PCDHA9: variants seen among roughly 807,000 people sequenced by gnomAD.
PCDHA9 encodes the protein protocadherin alpha-9.
Under a neutral mutation model 62.0 loss-of-function variants are expected in PCDHA9, and 62 were observed. The observed-to-expected ratio is 1.00, with a 90% CI of 0.81 to 1.23. PCDHA9 has a LOEUF of 1.23. Among genes scored for constraint, PCDHA9 ranks in the 50% most tolerant of loss-of-function variants. PCDHA9 has a pLI of 0.00. For synonymous variants in PCDHA9, 557 were observed against 567.6 expected (o/e 0.98, Z 0.27); for missense variants, 1,205 against 1,249.8 (o/e 0.96, Z 0.54).
chr5:140,901,712 GAT>G lies in PCDHA9; in HGVS notation c.2394+50824_2394+50825del, dbSNP rs1187367855. Among the ~76,000 whole-genome samples, 6 of 152,218 alleles carry G rather than the reference GAT, an allele frequency of 3.9e-5. No homozygotes were observed. In the East Asian group the frequency reaches 9.6e-4, roughly 24 times the overall value. ...TTTTGTAGTTCTATATACATTTTCA[GAT>G]TGTCTTTTCTATTTCTGTGAAGAAT... On this transcript the variant is annotated intron_variant, in intron 1 of 3. Coordinates refer to ENST00000532602, the MANE Select transcript of PCDHA9 (RefSeq NM_031857.2).
At chr5:140,894,236 T>C (rs1205163436) in intron 1 of PCDHA9, among the ~76,000 whole-genome samples, 7 of 152,250 alleles carry the variant, frequency 4.6e-5, no homozygotes, top group South Asian at 2.1e-4. Context: ...TGAATGACAA[T>C]GTAATTTTCT....
At chr5:140,905,376 C>G in intron 1 of PCDHA9, among the ~76,000 whole-genome samples, 1 of 152,174 alleles carries the variant, frequency 6.6e-6, no homozygotes, top group East Asian at 1.9e-4. Context: ...GTTCTCTGTT[C>G]TGTTTCATAG....
At chr5:141,000,899 C>T (rs1013993633) in intron 3 of PCDHA9, among the ~76,000 whole-genome samples, 18 of 151,966 alleles carry the variant, frequency 1.2e-4, no homozygotes, top group African/African-American at 2.7e-4. Flanking sequence ...CAGATATAGA[C>T]GCTGTCTCTA....
chr5:140,869,374 G>A, intron 1 of PCDHA9: 1 of 1,614,124 alleles, frequency 6.2e-7, no homozygotes, highest in Non-Finnish European at 8.5e-7. Context: ...TTCTCGGATC[G>A]ACCGCGAGGA....
chr5:140,931,314 A>G (rs782684940), intron 1 of PCDHA9, among the ~76,000 whole-genome samples: 3 of 152,176 alleles, frequency 2.0e-5, no homozygotes, highest in Non-Finnish European at 4.4e-5. Context: ...GGAGAATACC[A>G]GTAATGGCTG....
intron 1 of PCDHA9, chr5:140,968,932 A>C: frequency 6.2e-7 from 1 of 1,614,164 alleles, no homozygotes; most frequent in Non-Finnish European, 8.5e-7. Context: ...TTCTTTTGAC[A>C]ATCATCATTT....
At chr5:140,861,457 A>T (rs2046932948) in intron 1 of PCDHA9, 1 of 493,524 alleles carries the variant, frequency 2.0e-6, no homozygotes, top group African/African-American at 2.0e-5. Flanking sequence ...AACCTTCTGG[A>T]GGTAAATCTG....
At chr5:140,969,253 C>T in intron 1 of PCDHA9, 3 of 1,614,202 alleles carry the variant, frequency 1.9e-6, no homozygotes, top group Non-Finnish European at 2.5e-6. Flanking sequence ...TGACTGACAG[C>T]AGGAATCTCA....
In PCDHA9 at chr5:140,858,867, T is replaced by C. The variant is rs183298446; in HGVS notation, c.2394+7978T>C. 1.7e-4 allele frequency: 42 copies of C among 253,674 alleles called. No homozygotes were observed. In the East Asian group the frequency reaches 3.9e-3, roughly 24 times the overall value. 15.7% of individuals were successfully genotyped at this position (253,674 alleles called of 1,614,324 possible). ...CTGATCTATATCTCTTCAGTGAAAATGTGTTTTCCTCCATGTGTAGAATAT... is the reference window on the plus strand; with the variant it reads ...CTGATCTATATCTCTTCAGTGAAAACGTGTTTTCCTCCATGTGTAGAATAT... On this transcript the variant is annotated intron_variant, in intron 1 of 3. Coordinates refer to ENST00000532602, the MANE Select transcript of PCDHA9 (RefSeq NM_031857.2).
chr5:140,931,161 C>G (rs1214685588), intron 1 of PCDHA9, among the ~76,000 whole-genome samples: 5 of 152,132 alleles, frequency 3.3e-5, no homozygotes, highest in African/African-American at 1.2e-4. Flanking sequence ...AATAGAATCT[C>G]AGTTAATTTT....
At chr5:140,888,593 A>C (rs1165427237) in intron 1 of PCDHA9, among the ~76,000 whole-genome samples, 1 of 152,256 alleles carries the variant, frequency 6.6e-6, no homozygotes, top group Admixed American at 6.5e-5. Context: ...GTACACATTC[A>C]GAGCAGCTTT....
intron 1 of PCDHA9, chr5:140,877,053 G>A: frequency 1.9e-6 from 3 of 1,612,784 alleles, no homozygotes; most frequent in African/African-American, 1.3e-5. Context: ...ACCACGAGGA[G>A]CTGGAGCTGC....
At position 140,856,753 on chromosome 5, in the gene PCDHA9, T is replaced by C. The variant is rs373420913; in HGVS notation, c.2394+5864T>C. 311 of 1,596,470 alleles carry C rather than the reference T, an allele frequency of 1.9e-4. 24 individuals are homozygous for C. Among genetic ancestry groups the C allele is most frequent in the Non-Finnish European group, 2.6e-4 (309 of 1,166,472 alleles). On this transcript the variant is annotated intron_variant, in intron 1 of 3. Coordinates refer to ENST00000532602, the MANE Select transcript of PCDHA9 (RefSeq NM_031857.2). ...TGCTGATCCTGGTGTTAGATGCCAA[T>C]GATAACGCCCCTATCTTTGACAGAC...
intron 1 of PCDHA9, among the ~76,000 whole-genome samples, chr5:140,934,524 G>A (rs181182103): frequency 4.4e-4 from 67 of 152,192 alleles, no homozygotes; most frequent in Admixed American, 3.1e-3. Context: ...ACCACACTTC[G>A]AGAGCTACCG....
At chr5:140,885,349 AG>A (rs2060568168) in intron 1 of PCDHA9, among the ~76,000 whole-genome samples, 1 of 152,206 alleles carries the variant, frequency 6.6e-6, no homozygotes, top group African/African-American at 2.4e-5. Context: ...GATTTCCAAA[AG>A]GTACTGGTGA....
chr5:140,980,877 C>T (rs1321284538), intron 2 of PCDHA9, among the ~76,000 whole-genome samples: 9 of 152,186 alleles, frequency 5.9e-5, no homozygotes, highest in African/African-American at 1.7e-4. Flanking sequence ...TGGGTGTTCT[C>T]GGTCTTTCCA....
intron 1 of PCDHA9, chr5:140,854,159 C>CAA (rs59855104): frequency 0.094 from 31,914 of 338,462 alleles, 1,044 homozygotes; most frequent in African/African-American, 0.16. Flanking sequence ...GATTCTGTCT[C>CAA]AAAAAAAAAA....
chr5:140,963,941 G>A lies in PCDHA9; in HGVS notation c.2395-15008G>A, dbSNP rs1434019587. Among the ~76,000 whole-genome samples the A allele has an allele frequency of 7.9e-5, 12 of 152,320 alleles. No homozygotes were observed. In the East Asian group the frequency reaches 9.6e-4, roughly 12 times the overall value. On this transcript the variant is annotated intron_variant, in intron 1 of 3. Coordinates refer to ENST00000532602, the MANE Select transcript of PCDHA9 (RefSeq NM_031857.2). ...TAAGTAACATGTCCATAGCCAAACAGTTAGTCACTGGCAGGAGTGTGACTG... is the reference window on the plus strand; with the variant it reads ...TAAGTAACATGTCCATAGCCAAACAATTAGTCACTGGCAGGAGTGTGACTG...
chr5:140,976,054 G>A (rs1554237225), intron 1 of PCDHA9, among the ~76,000 whole-genome samples: 1 of 152,134 alleles, frequency 6.6e-6, no homozygotes, highest in African/African-American at 2.4e-5. Context: ...AATTGTGATA[G>A]TAATATATGT....
Sources: gnomAD v4.1 joint callset for allele counts (sites outside exome capture counted in the v4.1 genomes callset) on GRCh38, gnomAD v4.1.1 for gene constraint, MANE v1.5 for transcripts, NCBI Gene and HGNC (gene_info 2026-07-23, HGNC 2026-07-21) for gene names.